The following ANO2 variants were observed in gnomAD, a reference collection of about 807,000 sequenced individuals.
ANO2 encodes anoctamin 2.
Under a neutral mutation model 124.2 loss-of-function variants are expected in ANO2, and 101 were observed. That is an observed-to-expected ratio of 0.81 (90% CI 0.69 to 0.96). ANO2 has a LOEUF of 0.96. Ranked by LOEUF, ANO2 falls within the 40% of genes least tolerant of loss-of-function variation. The pLI is 0.00. For synonymous variants in ANO2, 486 were observed against 482.5 expected (o/e 1.01, Z -0.09); for missense variants, 1,293 against 1,274.5 (o/e 1.01, Z -0.22).
At chr12:5,631,519 G>A (rs1157170323) in intron 16 of ANO2, among the ~76,000 whole-genome samples, 1 of 152,134 alleles carries the variant, frequency 6.6e-6, no homozygotes, top group Non-Finnish European at 1.5e-5. Context: ...GGACCTTGTC[G>A]CTTGTCTTTG....
intron 10 of ANO2, among the ~76,000 whole-genome samples, chr12:5,751,228 C>A (rs938305206): frequency 2.0e-5 from 3 of 152,138 alleles, no homozygotes; most frequent in African/African-American, 7.2e-5. Flanking sequence ...AATAGCTAGC[C>A]AAGAGAAAGA....
chr12:5,738,747 C>T (rs1482403526), intron 13 of ANO2, among the ~76,000 whole-genome samples: 1 of 152,106 alleles, frequency 6.6e-6, no homozygotes, highest in Non-Finnish European at 1.5e-5. Flanking sequence ...TAAGGGAAGG[C>T]TGATTTATTT....
Position 5,690,653 on chromosome 12 carries a change from G to A in ANO2, c.1545+41867C>T, listed in dbSNP as rs574794326. Among the ~76,000 whole-genome samples, 94 of 152,148 alleles carry A rather than the reference G, an allele frequency of 6.2e-4. 2 individuals are homozygous for A. Among genetic ancestry groups the A allele is most frequent in the Non-Finnish European group, 1.0e-4 (7 of 68,016 alleles). On this transcript the variant is annotated intron_variant, in intron 14 of 24. Transcript: ENST00000682330. ...CATCCCAAGTATCACCTCGTAATGC[G>A]GCATGGGTTGGCAAGAACACATAGG...
Position 5,787,424 on chromosome 12 carries a change from C to A in ANO2, c.1055+12083G>T, listed in dbSNP as rs1166026370. ...GAGCTGAAGCTCCAGCATCCCAGTG[C>A]CTTCCCCCAGCAGTGGGGCATACAC... On this transcript the variant is annotated intron_variant, in intron 10 of 24. Transcript: ENST00000682330. The surrounding 1 kb of genome is among the most constrained non-coding windows in gnomAD (Gnocchi z 4.2). Among the ~76,000 whole-genome samples, 1 of 152,198 alleles carries A rather than the reference C, an allele frequency of 6.6e-6. No homozygotes were observed. The highest frequency in any genetic ancestry group is 1.5e-5 in the Non-Finnish European group (1 of 68,044).
chr12:5,932,696 A>G (rs1427060084), intron 1 of ANO2, among the ~76,000 whole-genome samples: 1 of 152,076 alleles, frequency 6.6e-6, no homozygotes, highest in African/African-American at 2.4e-5. Flanking sequence ...GAAGGAAGGT[A>G]GACTAGAGAG....
rs78823816 is a variant in ANO2 at position 5,800,925 on chromosome 12, T to C, written c.991-1354A>G. On this transcript the variant is annotated intron_variant, in intron 9 of 24. Coordinates refer to ENST00000682330, the MANE Select transcript of ANO2 (RefSeq NM_001364791.2). Reference sequence around the variant, plus strand: ...TAGAAGATGCCTGAGGTCTGGGCCCTGGGCACGCCACCATTTAGAGGTCAA... The same window carrying C: ...TAGAAGATGCCTGAGGTCTGGGCCCCGGGCACGCCACCATTTAGAGGTCAA... Among the ~76,000 whole-genome samples the C allele has an allele frequency of 8.3e-3, 1,261 of 152,258 alleles. 17 individuals are homozygous for C. The highest frequency in any genetic ancestry group is 0.028 in the African/African-American group (1,173 of 41,530).
chr12:5,778,171 C>T (rs1591605912), intron 10 of ANO2, among the ~76,000 whole-genome samples: 2 of 152,268 alleles, frequency 1.3e-5, no homozygotes, highest in East Asian at 1.9e-4. Flanking sequence ...ATGTGTCAGA[C>T]ACTAATCTAA....
At chr12:5,842,542 A>C (rs1954545666) in intron 4 of ANO2, among the ~76,000 whole-genome samples, 1 of 152,086 alleles carries the variant, frequency 6.6e-6, no homozygotes, top group Admixed American at 6.5e-5. Flanking sequence ...AATCCATCTC[A>C]GCATCACCCT....
chr12:5,784,330 G>A (rs1233453274), intron 10 of ANO2, among the ~76,000 whole-genome samples: 1 of 152,174 alleles, frequency 6.6e-6, no homozygotes, highest in African/African-American at 2.4e-5. Context: ...TCATCATGCT[G>A]TTGGCTGACT....
chr12:5,650,120 A>G (rs938584455), intron 14 of ANO2, among the ~76,000 whole-genome samples: 3 of 152,180 alleles, frequency 2.0e-5, no homozygotes, highest in African/African-American at 7.2e-5. Context: ...CAACAGACAC[A>G]GTCTGAACAG....
At chr12:5,771,118 C>T (rs971278475) in intron 10 of ANO2, among the ~76,000 whole-genome samples, 1 of 152,190 alleles carries the variant, frequency 6.6e-6, no homozygotes, top group Non-Finnish European at 1.5e-5. Flanking sequence ...CTTGTTCTGC[C>T]CTGTTCACTG....
intron 14 of ANO2, among the ~76,000 whole-genome samples, chr12:5,702,767 T>A (rs1372009731): frequency 6.6e-6 from 1 of 151,994 alleles, no homozygotes; most frequent in Non-Finnish European, 1.5e-5. Context: ...AACATACAAA[T>A]CGAAGAGAAA....
intron 4 of ANO2, among the ~76,000 whole-genome samples, chr12:5,850,352 G>T (rs1410852718): frequency 6.7e-6 from 1 of 150,004 alleles, no homozygotes; most frequent in Non-Finnish European, 1.5e-5. Context: ...GGAGGCAGAG[G>T]TTGCAGTGAG....
chr12:5,832,340 C>G (rs1157982502), intron 5 of ANO2, 112 bp downstream of exon 5: 1 of 1,275,472 alleles, frequency 7.8e-7, no homozygotes, highest in East Asian at 2.3e-5. Flanking sequence ...TACTCTCTCT[C>G]CCAGGCACTG....
chr12:5,697,603 G>A (rs1186157369), intron 14 of ANO2, among the ~76,000 whole-genome samples: 1 of 152,182 alleles, frequency 6.6e-6, no homozygotes, highest in African/African-American at 2.4e-5. Flanking sequence ...GTCAGACAGT[G>A]GGTGCAGGAC....
intron 8 of ANO2, 145 bp downstream of exon 8, chr12:5,807,168 G>A (rs1380609776): frequency 6.3e-6 from 4 of 637,816 alleles, no homozygotes; most frequent in Middle Eastern, 5.5e-4. Flanking sequence ...GCAATGAGTG[G>A]TCCAGGGTCA....
chr12:5,805,002 C>T (rs910496523), intron 9 of ANO2, among the ~76,000 whole-genome samples: 2 of 151,956 alleles, frequency 1.3e-5, no homozygotes, highest in African/African-American at 4.8e-5. Flanking sequence ...CCTCCTTTTC[C>T]TTTAAATCTG....
chr12:5,725,479 G>A (rs1950401067), intron 14 of ANO2, among the ~76,000 whole-genome samples: 1 of 152,184 alleles, frequency 6.6e-6, no homozygotes, highest in African/African-American at 2.4e-5. Context: ...AGATTCTGCT[G>A]TTCCTTTCCT....
At chr12:5,719,965 C>T (rs2137050402) in intron 14 of ANO2, among the ~76,000 whole-genome samples, 1 of 152,260 alleles carries the variant, frequency 6.6e-6, no homozygotes, top group East Asian at 1.9e-4. Context: ...GAATCACTGG[C>T]TCAGGGTCTG....
Sources: allele counts gnomAD v4.1 joint callset (sites outside exome capture counted in the v4.1 genomes callset), GRCh38; gene constraint gnomAD v4.1.1; non-coding constraint Gnocchi (gnomAD v3.1); transcripts MANE v1.5; gene names NCBI Gene and HGNC (gene_info 2026-07-23, HGNC 2026-07-21).